The following PWWP2A variants were observed in gnomAD, a reference collection of about 807,000 sequenced individuals.
PWWP2A encodes the protein PWWP domain containing 2A.
Under a neutral mutation model 48.5 loss-of-function variants are expected in PWWP2A, and 18 were observed. The ratio of observed to expected loss-of-function variants is 0.37; its 90% confidence interval spans 0.26 to 0.55. PWWP2A has a LOEUF of 0.55. Ranked by LOEUF, PWWP2A falls within the 20% of genes least tolerant of loss-of-function variation. The pLI, the probability that PWWP2A is intolerant of heterozygous loss-of-function variation, is 0.81. For synonymous variants in PWWP2A, 396 were observed against 387.7 expected, an observed-to-expected ratio of 1.02 and a Z score of -0.25; for missense variants, 867 against 976.4, an observed-to-expected ratio of 0.89 and a Z score of 1.49.
At chr5:160,058,898 G>A (rs928320009), downstream of PWWP2A, among the ~76,000 whole-genome samples, 1 of 152,124 alleles carries the variant, frequency 6.6e-6, no homozygotes, top group African/African-American at 2.4e-5. Flanking sequence ...CTTCTTTTCT[G>A]AACAGTAGGT....
intron 2 of PWWP2A, among the ~76,000 whole-genome samples, chr5:160,084,984 G>A (rs1410889298): frequency 1.3e-5 from 2 of 151,238 alleles, no homozygotes; most frequent in Non-Finnish European, 1.5e-5. Flanking sequence ...AAAAAAAAAA[G>A]AAAAAGAAAA....
At chr5:160,075,802 T>C (rs1224584481), downstream of PWWP2A, 2 of 19,128 alleles carry the variant, frequency 1.0e-4, no homozygotes, top group Non-Finnish European at 1.7e-4. Context: ...TGAATTCTAA[T>C]AGTAAAAAAA....
chr5:160,087,869 G>C (rs182042529), downstream of PWWP2A, among the ~76,000 whole-genome samples: 341 of 152,276 alleles, frequency 2.2e-3, 2 homozygotes, highest in African/African-American at 7.7e-3. Flanking sequence ...ATAAGACAAA[G>C]AGTTGTTTAT....
intron 1 of PWWP2A, chr5:160,108,754 C>T (rs1757149601): frequency 7.4e-6 from 3 of 404,384 alleles, no homozygotes; most frequent in South Asian, 5.6e-5. Context: ...AACAGTACCC[C>T]CATGTACACA....
intron 2 of PWWP2A, among the ~76,000 whole-genome samples, chr5:160,085,333 G>A (rs1754544195): frequency 6.6e-6 from 1 of 152,040 alleles, no homozygotes; most frequent in South Asian, 2.1e-4. Context: ...GTTTTTATTT[G>A]AGAAGAGGAA....
chr5:160,105,239 C>CAAAAAAA (rs70990704), intron 1 of PWWP2A, among the ~76,000 whole-genome samples: 6 of 48,960 alleles, frequency 1.2e-4, no homozygotes, highest in Admixed American at 3.4e-4. Flanking sequence ...GTCTCTAAGG[C>CAAAAAAA]AAAAAAAAAA....
the PWWP2A span, among the ~76,000 whole-genome samples, chr5:160,046,245 G>A: frequency 6.6e-6 from 1 of 152,278 alleles, no homozygotes; most frequent in East Asian, 1.9e-4. Context: ...AAGGTCATCA[G>A]CAGTTTCATC....
At chr5:160,116,783 G>A (rs1306362601) in intron 1 of PWWP2A, 1 of 985,228 alleles carries the variant, frequency 1.0e-6, no homozygotes, top group African/African-American at 1.7e-5. Flanking sequence ...ACACCAGAGT[G>A]TCTCTTACTA....
downstream of PWWP2A, among the ~76,000 whole-genome samples, chr5:160,074,446 T>A (rs547300460): frequency 2.7e-4 from 35 of 131,748 alleles, no homozygotes; most frequent in Non-Finnish European, 4.6e-4. Flanking sequence ...CTCAAAAAAA[T>A]AAATAAATAA....
At chr5:160,075,137 C>A (rs1009084866), downstream of PWWP2A, among the ~76,000 whole-genome samples, 1 of 151,932 alleles carries the variant, frequency 6.6e-6, no homozygotes, top group Non-Finnish European at 1.5e-5. Flanking sequence ...TCCTGTAGGC[C>A]CTCTCAGATA....
intron 1 of PWWP2A, among the ~76,000 whole-genome samples, chr5:160,108,894 G>A (rs1757162409): frequency 6.6e-6 from 1 of 152,134 alleles, no homozygotes; most frequent in African/African-American, 2.4e-5. Context: ...GCCAAGGCTG[G>A]TTCAAACCTC....
Position 160,119,173 on chromosome 5 carries a change from CGGT to C in PWWP2A, c.213_215del (p.Pro75del). 3.3e-6 allele frequency: 5 copies of C among 1,509,244 alleles called. No individual in the cohort carries two copies. The South Asian group carries it at 3.8e-5, about 11-fold the overall frequency. The allele number at this position is 1,509,244 out of a possible 1,614,324, so 93.5% of individuals were successfully genotyped here. A position where few individuals can be genotyped will look rare whatever the true frequency, so the allele number is the denominator to read the frequency against. ...TGCGGGCGAGCTCCCCCGGCGGCGG[CGGT>C]GGCGGCGGGAGCGGCGGCTCGTCGG... On this transcript the variant is annotated inframe_deletion, in exon 1 of 2. Coordinates refer to ENST00000307063, the MANE Select transcript of PWWP2A (RefSeq NM_001130864.2).
rs1209599328 is a variant in PWWP2A, at chr5:160,092,523, G to A, written c.2127C>T (p.Leu709=). 1.8e-5 allele frequency: 28 copies of A among 1,551,548 alleles called. No homozygotes were observed. Among genetic ancestry groups the A allele is most frequent in the Non-Finnish European group, 2.4e-5 (27 of 1,146,996 alleles). The part of the protein sequence containing the change: ...PTTSFLALSQ[L]SPFLENFQSR... ...ACTGGAAGTTTTCTAAAAAGGGGGA[G>A]AGTTGTGAAAGAGCAAGGAAAGATG... Residue 709 remains leucine, a synonymous_variant, in exon 2 of 2, where the codon CTC becomes CTT. Transcript: ENST00000307063.
Position 160,118,984 on chromosome 5 carries a change from C to G in PWWP2A, c.405G>C (p.Leu135=), listed in dbSNP as rs760321673. The change falls in exon 1 of 2, where the codon CTG becomes CTC. Residue 135 remains leucine (L), a synonymous_variant. Transcript: ENST00000307063. ...CGAGCGCCGGGGCTACGGGCTGAGG[C>G]AGCGGCGGCTCCTCGCGCTCCTCGG... The part of the protein sequence containing the change: ...PAPEEREEPP[L]PQPVAPALVP... The G allele has an allele frequency of 1.9e-6, 3 of 1,597,538 alleles. No homozygotes were observed. In the Admixed American group the frequency reaches 5.1e-5, roughly 27 times the overall value.
chr5:160,088,266 C>T (rs1754796932), downstream of PWWP2A, among the ~76,000 whole-genome samples: 1 of 152,090 alleles, frequency 6.6e-6, no homozygotes, highest in African/African-American at 2.4e-5. Context: ...ACTCTGTCAC[C>T]CAGGCTGGAG....
downstream of PWWP2A, chr5:160,090,524 T>A: frequency 1.0e-6 from 1 of 984,206 alleles, no homozygotes; most frequent in Middle Eastern, 5.2e-4. Flanking sequence ...GGAAAGAATA[T>A]GTTCTACTCA....
chr5:160,093,605 CA>C lies in PWWP2A; in HGVS notation c.1044del (p.Tyr348Ter). 6.2e-7 allele frequency: 1 copy of C among 1,613,532 alleles called. No homozygotes were observed. Among genetic ancestry groups the C allele is most frequent in the Non-Finnish European group, 8.5e-7 (1 of 1,179,780 alleles). ...CTTTCATTTCTCCGTTTTTTATCTT[CA>C]TATTTAGAAGAGTCAGTTGCACTAC... is the stretch of plus-strand genomic sequence containing the variant. ...KGSSATDSSKYEDKKRRNESV... is the reference protein window; with the variant it reads ...KGSSATDSSKXEDKKRRNESV... On this transcript the variant is annotated frameshift_variant, in exon 2 of 2. Coordinates refer to ENST00000307063, the MANE Select transcript of PWWP2A (RefSeq NM_001130864.2). LOFTEE classifies it high-confidence loss of function. The surrounding 1 kb of genome is among the most constrained non-coding windows in gnomAD (Gnocchi z 5.8).
Position 160,093,564 on chromosome 5 carries a change from G to A in PWWP2A, c.1086C>T (p.Asn362=), listed in dbSNP as rs1646498873. The A allele has an allele frequency of 1.9e-6, 3 of 1,612,938 alleles. No individual in the cohort carries two copies. The highest frequency in any genetic ancestry group is 1.7e-6 in the Non-Finnish European group (2 of 1,179,664). ...KRRNESVTTV[N]KKLKTDHKVD... is the part of the protein sequence containing the mutation. ...CTTTATGGTCAGTTTTCAGTTTTTT[G>A]TTCACAGTAGTTACACTTTCATTTC... The change falls in exon 2 of 2, where the codon AAC becomes AAT. Residue 362 remains asparagine (N), a synonymous_variant. Transcript: ENST00000307063. The surrounding 1 kb of genome is among the most constrained non-coding windows in gnomAD (Gnocchi z 5.8).
downstream of PWWP2A, among the ~76,000 whole-genome samples, chr5:160,086,380 G>C (rs1754641307): frequency 6.6e-6 from 1 of 151,972 alleles, no homozygotes; most frequent in African/African-American, 2.4e-5. Context: ...AATTGGTCAG[G>C]TGTGATGGTA....
Sources: allele counts gnomAD v4.1 joint callset (sites outside exome capture counted in the v4.1 genomes callset), GRCh38; gene constraint gnomAD v4.1.1; non-coding constraint Gnocchi (gnomAD v3.1); transcripts MANE v1.5; gene names NCBI Gene and HGNC (gene_info 2026-07-23, HGNC 2026-07-21).